Variants in MRM1 observed in about 807,000 individuals in gnomAD.
The protein encoded by MRM1 is mitochondrial rRNA methyltransferase 1, also known as rRNA methyltransferase 1, mitochondrial.
Under a neutral mutation model 25.0 loss-of-function variants are expected in MRM1, and 24 were observed. That is an observed-to-expected ratio of 0.96 (90% CI 0.69 to 1.35). MRM1 has a LOEUF of 1.35. Among genes scored for constraint, MRM1 ranks in the 40% most tolerant of loss-of-function variants. The pLI is 0.00. For missense variants in MRM1, 431 were observed against 464.1 expected (o/e 0.93, Z 0.65); for synonymous variants, 188 against 199.2 (o/e 0.94, Z 0.47).
chr17:36,632,724 T>C, the MRM1 span, among the ~76,000 whole-genome samples: 1 of 151,886 alleles, frequency 6.6e-6, no homozygotes, highest in Admixed American at 6.6e-5. Context: ...AATCCCAGAG[T>C]AAATGTCCTT....
At chr17:36,612,393 CAA>C (rs2074982148), downstream of MRM1, among the ~76,000 whole-genome samples, 1 of 152,218 alleles carries the variant, frequency 6.6e-6, no homozygotes, top group Non-Finnish European at 1.5e-5. Flanking sequence ...AGTCCCCCAA[CAA>C]AGAGGAAGGG....
At chr17:36,608,186 C>T (rs1468388042) in intron 4 of MRM1, 57 bp from the exon 5 acceptor site, 2 of 1,522,504 alleles carry the variant, frequency 1.3e-6, no homozygotes, top group Non-Finnish European at 1.8e-6. Flanking sequence ...ATGTCTAGGT[C>T]TCTAAACATC....
At chr17:36,629,030 C>T in the MRM1 span, among the ~76,000 whole-genome samples, 1 of 152,138 alleles carries the variant, frequency 6.6e-6, no homozygotes, top group Non-Finnish European at 1.5e-5. Context: ...GGTGGGGCCT[C>T]TTCTGGGTCT....
intron 2 of MRM1, among the ~76,000 whole-genome samples, chr17:36,605,978 G>T (rs191567218): frequency 8.5e-5 from 13 of 152,124 alleles, no homozygotes. Context: ...CAAAGCCTCT[G>T]TACCGCTCAG....
At position 36,601,635 on chromosome 17, in the gene MRM1, T is replaced by TC. The variant is rs1567844715; in HGVS notation, c.-175dup. The TC allele has an allele frequency of 1.6e-6, 1 of 629,916 alleles. No homozygotes were observed. Among genetic ancestry groups the TC allele is most frequent in the Non-Finnish European group, 2.5e-6 (1 of 406,114 alleles). The allele number at this position is 629,916 out of a possible 1,614,324, so 39.0% of individuals were successfully genotyped here. On this transcript the variant is annotated 5_prime_UTR_variant, in exon 1 of 5. Coordinates refer to ENST00000614766, the MANE Select transcript of MRM1 (RefSeq NM_024864.5). Reference sequence around the variant, plus strand: ...GAGCCTGGGAGCGGGTGGTCGTAGCTCGGTAGTCCAGTTGTGGGTAATCGG... The same window carrying TC: ...GAGCCTGGGAGCGGGTGGTCGTAGCTCCGGTAGTCCAGTTGTGGGTAATCGG...
chr17:36,632,594 T>TTG, the MRM1 span, among the ~76,000 whole-genome samples: 1 of 150,262 alleles, frequency 6.7e-6, no homozygotes, highest in Non-Finnish European at 1.5e-5. Flanking sequence ...TTGGGCAATT[T>TTG]TGTGCTCCCC....
At chr17:36,627,527 TTGACGAGACCC>T in the MRM1 span, among the ~76,000 whole-genome samples, 1,204 of 152,338 alleles carry the variant, frequency 7.9e-3, 14 homozygotes, top group African/African-American at 0.026. Flanking sequence ...TCTTAAATTG[TTGACGAGACCC>T]TGACTGGGTT....
In MRM1 at chr17:36,602,767, C is replaced by T. The variant is rs982280596; in HGVS notation, c.636+121C>T. On this transcript the variant is annotated intron_variant, in intron 2 of 4. Coordinates refer to ENST00000614766, the MANE Select transcript of MRM1 (RefSeq NM_024864.5). The surrounding 1 kb of genome is among the most constrained non-coding windows in gnomAD (Gnocchi z 4.1). ...TGTTGGCACCGCTTCCTTTGGCCTT[C>T]TAAATCCCTCTGGGGATGGAAGGGT... 12 of 1,318,164 alleles carry T rather than the reference C, an allele frequency of 9.1e-6. No homozygotes were observed. The highest frequency in any genetic ancestry group is 2.1e-5 in the Admixed American group (1 of 48,072). 81.7% of individuals were successfully genotyped at this position (1,318,164 alleles called of 1,614,324 possible). A position where few individuals can be genotyped will look rare whatever the true frequency, so the allele number is the denominator to read the frequency against.
At chr17:36,625,180 C>T in the MRM1 span, among the ~76,000 whole-genome samples, 4,187 of 152,268 alleles carry the variant, frequency 0.027, 88 homozygotes, top group South Asian at 0.069. Flanking sequence ...CCTGATATGC[C>T]TAAAATGTAA....
chr17:36,620,145 G>A, the MRM1 span, among the ~76,000 whole-genome samples: 4 of 152,118 alleles, frequency 2.6e-5, no homozygotes, highest in Admixed American at 2.6e-4. Context: ...CATTGTGTAG[G>A]TGGCCTTTTC....
At chr17:36,617,549 C>T in the MRM1 span, among the ~76,000 whole-genome samples, 1 of 152,052 alleles carries the variant, frequency 6.6e-6, no homozygotes, top group Non-Finnish European at 1.5e-5. Context: ...CCCACCACAA[C>T]CACACCTGTC....
the MRM1 span, among the ~76,000 whole-genome samples, chr17:36,632,651 A>T: frequency 6.6e-6 from 1 of 152,010 alleles, no homozygotes; most frequent in East Asian, 1.9e-4. Context: ...TCATTGATTG[A>T]TTGATTGGGT....
At chr17:36,622,623 T>G in the MRM1 span, among the ~76,000 whole-genome samples, 1 of 151,910 alleles carries the variant, frequency 6.6e-6, no homozygotes, top group Non-Finnish European at 1.5e-5. Context: ...ATTTCAAACC[T>G]GATGTCGGAT....
the MRM1 span, among the ~76,000 whole-genome samples, chr17:36,632,873 G>C: frequency 6.6e-6 from 1 of 152,132 alleles, no homozygotes. Context: ...GCGGTGGGAG[G>C]AATGGCATGG....
the MRM1 span, among the ~76,000 whole-genome samples, chr17:36,625,376 T>C: frequency 6.6e-6 from 1 of 151,624 alleles, no homozygotes; most frequent in Non-Finnish European, 1.5e-5. Flanking sequence ...TTTTTCTTCT[T>C]CCTCTTCGCT....
At chr17:36,622,754 G>A in the MRM1 span, among the ~76,000 whole-genome samples, 4 of 152,152 alleles carry the variant, frequency 2.6e-5, no homozygotes, top group South Asian at 2.1e-4. Flanking sequence ...GGGCAGTGGC[G>A]GTGCCCTGCA....
At chr17:36,614,152 T>A in the MRM1 span, among the ~76,000 whole-genome samples, 1 of 151,922 alleles carries the variant, frequency 6.6e-6, no homozygotes, top group Admixed American at 6.6e-5. Flanking sequence ...GAACGCCTCC[T>A]CCTCCCCTCA....
the MRM1 span, among the ~76,000 whole-genome samples, chr17:36,630,748 G>A: frequency 6.6e-6 from 1 of 152,156 alleles, no homozygotes; most frequent in Non-Finnish European, 1.5e-5. Context: ...AGAGACATTC[G>A]AGGAGTTAGG....
At chr17:36,627,419 C>T in the MRM1 span, among the ~76,000 whole-genome samples, 1 of 152,200 alleles carries the variant, frequency 6.6e-6, no homozygotes, top group Non-Finnish European at 1.5e-5. Context: ...AGGCTGTTCG[C>T]CTCTCATTCC....
Sources: gnomAD v4.1 joint callset for allele counts (sites outside exome capture counted in the v4.1 genomes callset) on GRCh38, gnomAD v4.1.1 for gene constraint, Gnocchi (gnomAD v3.1) non-coding constraint, MANE v1.5 for transcripts, NCBI Gene and HGNC (gene_info 2026-07-23, HGNC 2026-07-21) for gene names.